The following PRKAG2 variants were observed in gnomAD, a reference collection of about 807,000 sequenced individuals.
PRKAG2 encodes the protein 5'-AMP-activated protein kinase subunit gamma-2.
PRKAG2 carries 26 observed loss-of-function variants against 69.6 expected under a neutral mutation model. The observed-to-expected ratio is 0.37, with a 90% CI of 0.27 to 0.52. The LOEUF is 0.52. Among genes scored for constraint, PRKAG2 ranks in the 20% least tolerant of loss-of-function variants. The pLI is 0.90. For missense variants in PRKAG2, 557 were observed against 740.0 expected (o/e 0.75, Z 2.87); for synonymous variants, 293 against 285.0 (o/e 1.03, Z -0.28).
chr7:151,813,457 C>T (rs1371001089), intron 1 of PRKAG2, among the ~76,000 whole-genome samples: 3 of 144,998 alleles, frequency 2.1e-5, no homozygotes, highest in African/African-American at 7.7e-5. Flanking sequence ...TTGAAGCAGA[C>T]AGACAGCCTC....
At chr7:151,600,895 C>A (rs1815889942) in intron 5 of PRKAG2, among the ~76,000 whole-genome samples, 1 of 152,214 alleles carries the variant, frequency 6.6e-6, no homozygotes, top group Non-Finnish European at 1.5e-5. Flanking sequence ...ACTGATGTGA[C>A]AACCTCGAGG....
intron 5 of PRKAG2, among the ~76,000 whole-genome samples, chr7:151,605,936 C>CAAAAAAAAAAAAAAAAAA (rs560080587): frequency 1.8e-4 from 16 of 91,048 alleles, no homozygotes; most frequent in African/African-American, 5.8e-4. Flanking sequence ...GACTCCGTCT[C>CAAAAAAAAAAAAAAAAAA]AAAAAAAAAA....
chr7:151,718,373 C>CAA (rs1346689517), intron 3 of PRKAG2, among the ~76,000 whole-genome samples: 2 of 152,074 alleles, frequency 1.3e-5, no homozygotes, highest in African/African-American at 2.4e-5. Flanking sequence ...ATTACCTCCT[C>CAA]AAAGCCCTAT....
At chr7:151,800,728 G>A (rs1197045651) in intron 1 of PRKAG2, among the ~76,000 whole-genome samples, 1 of 152,190 alleles carries the variant, frequency 6.6e-6, no homozygotes, top group Non-Finnish European at 1.5e-5. Flanking sequence ...GAACCGCTCT[G>A]CATGAGAGTG....
chr7:151,800,348 A>C, intron 1 of PRKAG2, among the ~76,000 whole-genome samples: 2 of 136,332 alleles, frequency 1.5e-5, no homozygotes, highest in Non-Finnish European at 1.5e-5. Flanking sequence ...ACAGAGCGAG[A>C]CTCTGTCTCA....
intron 3 of PRKAG2, among the ~76,000 whole-genome samples, chr7:151,758,182 T>A (rs908581169): frequency 2.0e-5 from 3 of 152,144 alleles, no homozygotes; most frequent in Non-Finnish European, 4.4e-5. Context: ...TGTCCCAATG[T>A]CCAGCAGGGC....
chr7:151,711,332 T>C lies in PRKAG2; in HGVS notation c.467-35695A>G, dbSNP rs116010446. ...GCTAGGTTTAGAGTACTGAGGGTGC[T>C]AGGCTTAGAGTACTGAGGATGCTAG... is the stretch of plus-strand genomic sequence containing the variant. On this transcript the variant is annotated intron_variant, in intron 3 of 15. Coordinates refer to ENST00000287878, the MANE Select transcript of PRKAG2 (RefSeq NM_016203.4). Among the ~76,000 whole-genome samples, 1,154 of 149,602 alleles carry C rather than the reference T, an allele frequency of 7.7e-3. 15 individuals carry two copies. Among genetic ancestry groups the C allele is most frequent in the African/African-American group, 0.028 (1,114 of 39,208 alleles).
At chr7:151,852,599 C>T (rs2079598861) in intron 1 of PRKAG2, among the ~76,000 whole-genome samples, 2 of 152,036 alleles carry the variant, frequency 1.3e-5, no homozygotes, top group African/African-American at 4.8e-5. Context: ...GGTAAGCACC[C>T]CATTGTTAAT....
In PRKAG2 at chr7:151,601,780, T is replaced by C. The variant is rs537236387; in HGVS notation, c.755-6326A>G. Among the ~76,000 whole-genome samples the C allele has an allele frequency of 1.1e-4, 16 of 152,338 alleles. No homozygotes were observed. The South Asian group carries it at 3.3e-3, about 32-fold the overall frequency. ...CTGGTGAGGCACCCGCAGCATCCAC[T>C]GTGCGAGAGGCGGGGATGCCGCAGG... On this transcript the variant is annotated intron_variant, in intron 5 of 15. Coordinates refer to ENST00000287878, the MANE Select transcript of PRKAG2 (RefSeq NM_016203.4).
Position 151,585,268 on chromosome 7 carries a change from C to A in PRKAG2, c.865-8816G>T, listed in dbSNP as rs149218935. On this transcript the variant is annotated intron_variant, in intron 6 of 15. Transcript: ENST00000287878. ...TGAACGTAAGTGATATATAAAATTT[C>A]AAGTAATACATTCCCACGCATCTTT... Among the ~76,000 whole-genome samples the A allele has an allele frequency of 1.4e-4, 22 of 152,318 alleles. No individual in the cohort carries two copies. The East Asian group carries it at 3.9e-3, about 27-fold the overall frequency.
At chr7:151,737,555 G>A (rs892973623) in intron 3 of PRKAG2, among the ~76,000 whole-genome samples, 9 of 152,156 alleles carry the variant, frequency 5.9e-5, no homozygotes, top group African/African-American at 1.9e-4. Flanking sequence ...TTTCTTCAGC[G>A]GAATTGTTAT....
chr7:151,790,552 G>C (rs1446549758), intron 1 of PRKAG2: 27 of 152,236 alleles, frequency 1.8e-4, no homozygotes, highest in Admixed American at 1.8e-3. Context: ...TTCCAGATGT[G>C]TTTGAATTAA....
chr7:151,582,489 G>A (rs1346590772), intron 6 of PRKAG2, among the ~76,000 whole-genome samples: 1 of 152,146 alleles, frequency 6.6e-6, no homozygotes, highest in Non-Finnish European at 1.5e-5. Flanking sequence ...CCCCAGTGAA[G>A]CAGCAGTTCA....
intron 7 of PRKAG2, among the ~76,000 whole-genome samples, chr7:151,575,887 A>G (rs1484508847): frequency 6.8e-6 from 1 of 148,128 alleles, no homozygotes; most frequent in Non-Finnish European, 1.5e-5. Flanking sequence ...AGAGTTCTCA[A>G]TGAGGCGGCA....
intron 1 of PRKAG2, among the ~76,000 whole-genome samples, chr7:151,873,475 C>A (rs981851785): frequency 7.2e-5 from 11 of 152,188 alleles, no homozygotes; most frequent in Non-Finnish European, 1.3e-4. Flanking sequence ...CACAATGATC[C>A]ATAGGTAATG....
intron 3 of PRKAG2, among the ~76,000 whole-genome samples, chr7:151,729,791 G>A (rs1046479073): frequency 2.0e-5 from 3 of 152,054 alleles, no homozygotes; most frequent in East Asian, 1.9e-4. Flanking sequence ...TCCAGCTCTC[G>A]GAAGGGTCTG....
chr7:151,720,456 G>A (rs1280698233), intron 3 of PRKAG2, among the ~76,000 whole-genome samples: 1 of 151,742 alleles, frequency 6.6e-6, no homozygotes, highest in Admixed American at 6.6e-5. Flanking sequence ...GTGTAACACA[G>A]ACTGTGTTCT....
At chr7:151,806,880 C>T (rs754701875) in intron 1 of PRKAG2, 92 of 420,008 alleles carry the variant, frequency 2.2e-4, no homozygotes, top group South Asian at 1.4e-3. Context: ...CCACGAGAAT[C>T]GCTTGAACCT....
intron 1 of PRKAG2, among the ~76,000 whole-genome samples, chr7:151,839,666 G>A (rs748236012): frequency 4.0e-4 from 61 of 152,342 alleles, no homozygotes; most frequent in Middle Eastern, 3.4e-3. Flanking sequence ...TAACCACTAG[G>A]GAAGAAACGC....
Sources: gnomAD v4.1 joint callset for allele counts (sites outside exome capture counted in the v4.1 genomes callset) on GRCh38, gnomAD v4.1.1 for gene constraint, MANE v1.5 for transcripts, NCBI Gene and HGNC (gene_info 2026-07-23, HGNC 2026-07-21) for gene names.